Variants in PCDH9 observed in about 807,000 individuals in gnomAD.
PCDH9 encodes the protein protocadherin-9.
In PCDH9, 24 loss-of-function variants were observed where a neutral mutation model predicts 70.6. The observed-to-expected ratio is 0.34, with a 90% CI of 0.25 to 0.48. PCDH9 has a LOEUF of 0.48. Ranked by LOEUF, PCDH9 falls within the 20% of genes least tolerant of loss-of-function variation. The probability of loss-of-function intolerance (pLI) is 0.99; values close to 1 mark genes in which losing one functional copy is unlikely to be tolerated. For synonymous variants in PCDH9, 562 were observed against 558.5 expected, an observed-to-expected ratio of 1.01 and a Z score of -0.09; for missense variants, 1,281 against 1,503.6, an observed-to-expected ratio of 0.85 and a Z score of 2.45.
chr13:66,635,917 C>T (rs35714698), intron 3 of PCDH9, among the ~76,000 whole-genome samples: 10,351 of 152,078 alleles, frequency 0.068, 402 homozygotes, highest in Middle Eastern at 0.1. Context: ...TATATAATAT[C>T]CTGTAAAGAT....
At position 66,608,701 on chromosome 13, in the gene PCDH9, A is replaced by G. The variant is rs889144767; in HGVS notation, c.3340+22509T>C. 2.0e-5 allele frequency among the ~76,000 whole-genome samples: 3 copies of G among 151,926 alleles called. No homozygotes were observed. In the East Asian group the frequency reaches 5.8e-4, roughly 29 times the overall value. On this transcript the variant is annotated intron_variant, in intron 4 of 4. Transcript: ENST00000377865. ...GACACCCTGAGCAACACTCAGCCCC[A>G]AATTCAAACCTAGGAGCTCTTTAGG...
At chr13:66,447,329 G>T (rs1221248374) in intron 4 of PCDH9, among the ~76,000 whole-genome samples, 1 of 151,850 alleles carries the variant, frequency 6.6e-6, no homozygotes, top group African/African-American at 2.4e-5. Context: ...TTGGAGATTT[G>T]AGTCTAATAT....
intron 4 of PCDH9, among the ~76,000 whole-genome samples, chr13:66,358,317 A>T (rs1400636039): frequency 6.6e-6 from 1 of 151,934 alleles, no homozygotes; most frequent in East Asian, 1.9e-4. Context: ...CTATACATTT[A>T]TTACTCTTTC....
In PCDH9 at chr13:67,082,020, T is replaced by C. The variant is rs75683314; in HGVS notation, c.3036+143385A>G. On this transcript the variant is annotated intron_variant, in intron 2 of 4. Coordinates refer to ENST00000377865, the MANE Select transcript of PCDH9 (RefSeq NM_203487.3). ...TACACTTGTAAAACCATCATCACAA[T>C]CTATGCCATAAGCACTGCCGTGCCT... Among the ~76,000 whole-genome samples, 546 of 152,270 alleles carry C rather than the reference T, an allele frequency of 3.6e-3. 2 individuals are homozygous for C. Among genetic ancestry groups the C allele is most frequent in the African/African-American group, 0.013 (521 of 41,570 alleles).
At chr13:67,052,493 C>T (rs1186046016) in intron 2 of PCDH9, among the ~76,000 whole-genome samples, 2 of 151,860 alleles carry the variant, frequency 1.3e-5, no homozygotes, top group African/African-American at 4.8e-5. Context: ...AGTGAAAAAT[C>T]CACGGGAAGT....
chr13:66,614,303 G>T (rs560317196), intron 4 of PCDH9, among the ~76,000 whole-genome samples: 2 of 152,326 alleles, frequency 1.3e-5, no homozygotes, highest in East Asian at 3.9e-4. Flanking sequence ...AATTAATCTT[G>T]CAGAAGAGGT....
At chr13:67,224,910 T>G (rs183684337) in intron 2 of PCDH9, 2 of 988,462 alleles carry the variant, frequency 2.0e-6, no homozygotes, top group East Asian at 2.3e-4. Context: ...CATTTAATAT[T>G]CTACTATCCT....
intron 2 of PCDH9, among the ~76,000 whole-genome samples, chr13:67,176,237 G>A (rs2088451564): frequency 6.6e-6 from 1 of 152,176 alleles, no homozygotes; most frequent in African/African-American, 2.4e-5. Context: ...GAGCGGTGAT[G>A]CAGAGAAAGT....
At chr13:66,855,971 AT>A (rs1358193348) in intron 3 of PCDH9, among the ~76,000 whole-genome samples, 1 of 152,036 alleles carries the variant, frequency 6.6e-6, no homozygotes, top group Non-Finnish European at 1.5e-5. Context: ...TCTCAAAAAA[AT>A]TATGAACATG....
At chr13:66,574,734 T>C (rs112869969) in intron 4 of PCDH9, among the ~76,000 whole-genome samples, 1 of 152,298 alleles carries the variant, frequency 6.6e-6, no homozygotes, top group Non-Finnish European at 1.5e-5. Flanking sequence ...TTCTCACAAT[T>C]TCTAGCCAGT....
intron 3 of PCDH9, among the ~76,000 whole-genome samples, chr13:66,857,532 G>T (rs2139470896): frequency 6.6e-6 from 1 of 152,182 alleles, no homozygotes; most frequent in South Asian, 2.1e-4. Flanking sequence ...TGTGCTAAAA[G>T]CAACAATGTC....
At chr13:66,374,240 C>G (rs756968899) in intron 4 of PCDH9, among the ~76,000 whole-genome samples, 39 of 151,988 alleles carry the variant, frequency 2.6e-4, no homozygotes, top group Non-Finnish European at 4.9e-4. Context: ...TATTTATTTT[C>G]TCCTTGCTGC....
intron 4 of PCDH9, among the ~76,000 whole-genome samples, chr13:66,543,043 T>C (rs1349948918): frequency 6.6e-6 from 1 of 151,326 alleles, no homozygotes; most frequent in African/African-American, 2.4e-5. Context: ...AATAATGGAG[T>C]GTTAATCAAA....
At chr13:66,410,088 T>C (rs372137300) in intron 4 of PCDH9, among the ~76,000 whole-genome samples, 3 of 152,146 alleles carry the variant, frequency 2.0e-5, no homozygotes, top group Non-Finnish European at 2.9e-5. Flanking sequence ...AAGTAACAAA[T>C]ATAACAGTCA....
chr13:66,457,696 G>A (rs956116467), intron 4 of PCDH9, among the ~76,000 whole-genome samples: 2 of 151,872 alleles, frequency 1.3e-5, no homozygotes, highest in Non-Finnish European at 2.9e-5. Flanking sequence ...GCAAATTACA[G>A]CAAAGTTGGC....
At chr13:66,813,356 G>A (rs1485479829) in intron 3 of PCDH9, among the ~76,000 whole-genome samples, 1 of 151,914 alleles carries the variant, frequency 6.6e-6, no homozygotes, top group African/African-American at 2.4e-5. Context: ...ATTAATAATA[G>A]AGATTATTGC....
chr13:66,854,938 C>G (rs968682437), intron 3 of PCDH9, among the ~76,000 whole-genome samples: 2 of 152,004 alleles, frequency 1.3e-5, no homozygotes, highest in African/African-American at 2.4e-5. Flanking sequence ...TTTATCTCCC[C>G]TAGGAGCAGC....
intron 3 of PCDH9, among the ~76,000 whole-genome samples, chr13:66,699,951 T>G (rs2078615454): frequency 6.6e-6 from 1 of 152,012 alleles, no homozygotes; most frequent in Admixed American, 6.6e-5. Context: ...CCATACTATG[T>G]AGTGTTTCTA....
chr13:67,064,221 G>A (rs939201041), intron 2 of PCDH9, among the ~76,000 whole-genome samples: 2 of 152,208 alleles, frequency 1.3e-5, no homozygotes, highest in East Asian at 1.9e-4. Flanking sequence ...GTTTACAACT[G>A]TAGCTTGTAA....
Sources: gnomAD v4.1 joint callset for allele counts (sites outside exome capture counted in the v4.1 genomes callset) on GRCh38, gnomAD v4.1.1 for gene constraint, MANE v1.5 for transcripts, NCBI Gene and HGNC (gene_info 2026-07-23, HGNC 2026-07-21) for gene names.